Variants in RGS8 observed in about 807,000 individuals in gnomAD.
RGS8 encodes the protein regulator of G-protein signaling 8.
RGS8 carries 8 observed loss-of-function variants against 21.7 expected under a neutral mutation model. The ratio of observed to expected loss-of-function variants is 0.37; its 90% CI spans 0.22 to 0.66. The LOEUF is 0.66. RGS8 is among the 30% of genes least tolerant of loss of function. The probability of loss-of-function intolerance (pLI) is 0.59; values close to 1 mark genes in which losing one functional copy is unlikely to be tolerated. For synonymous variants in RGS8, 80 were observed against 83.6 expected, an observed-to-expected ratio of 0.96 and a Z score of 0.24; for missense variants, 157 against 217.9, an observed-to-expected ratio of 0.72 and a Z score of 1.76.
chr1:182,696,079 G>A, the RGS8 span, among the ~76,000 whole-genome samples: 7 of 152,056 alleles, frequency 4.6e-5, no homozygotes, highest in Non-Finnish European at 7.4e-5. Flanking sequence ...TTGTACTAAG[G>A]ATACATTTGC....
the RGS8 span, among the ~76,000 whole-genome samples, chr1:182,704,366 C>A: frequency 2.6e-5 from 4 of 152,212 alleles, no homozygotes; most frequent in African/African-American, 9.7e-5. Context: ...TCACTGTCCT[C>A]AGTTAAACCA....
At chr1:182,704,343 T>C in the RGS8 span, among the ~76,000 whole-genome samples, 4 of 152,316 alleles carry the variant, frequency 2.6e-5, no homozygotes, top group East Asian at 7.7e-4. Flanking sequence ...AAGAAGCAAA[T>C]ACTCAGTGTC....
the RGS8 span, among the ~76,000 whole-genome samples, chr1:182,740,540 GTTTGTTTGTTT>G: frequency 1.9e-5 from 1 of 53,180 alleles, no homozygotes; most frequent in African/African-American, 7.7e-5. Flanking sequence ...TGTTTTTTTT[GTTTGTTTGTTT>G]TTTTTTTTTT....
chr1:182,724,201 GATATATATATATAT>G, the RGS8 span, among the ~76,000 whole-genome samples: 487 of 42,116 alleles, frequency 0.012, 13 homozygotes, highest in Non-Finnish European at 0.016. Context: ...GGCTAGACTG[GATATATATATATAT>G]ATATATATAT....
the RGS8 span, among the ~76,000 whole-genome samples, chr1:182,694,043 C>A: frequency 6.6e-6 from 1 of 151,030 alleles, no homozygotes; most frequent in Non-Finnish European, 1.5e-5. Context: ...ACATGGGTGA[C>A]AAAATAACCT....
At chr1:182,651,472 C>T (rs1178180379) in intron 5 of RGS8, among the ~76,000 whole-genome samples, 1 of 152,232 alleles carries the variant, frequency 6.6e-6, no homozygotes, top group Non-Finnish European at 1.5e-5. Context: ...GAGAGTATCA[C>T]ATCACATATT....
At chr1:182,712,808 C>A in the RGS8 span, 1 of 152,144 alleles carries the variant, frequency 6.6e-6, no homozygotes, top group Admixed American at 6.5e-5. Context: ...ACAGACATGA[C>A]CTCATTCTGA....
the RGS8 span, among the ~76,000 whole-genome samples, chr1:182,698,869 C>T: frequency 2.0e-5 from 3 of 151,954 alleles, no homozygotes; most frequent in African/African-American, 7.3e-5. Flanking sequence ...TAAATTAGAC[C>T]AAGGGGAATT....
the RGS8 span, among the ~76,000 whole-genome samples, chr1:182,741,904 A>C: frequency 7.2e-6 from 1 of 138,058 alleles, no homozygotes; most frequent in African/African-American, 2.7e-5. Flanking sequence ...TCCCTCCCGG[A>C]GGAGGTGGCT....
upstream of RGS8, among the ~76,000 whole-genome samples, chr1:182,689,249 G>A (rs576715681): frequency 2.9e-4 from 42 of 143,448 alleles, no homozygotes; most frequent in East Asian, 4.8e-3. Context: ...TCGTGCACGC[G>A]CACGCACACA....
the RGS8 span, among the ~76,000 whole-genome samples, chr1:182,720,847 GTATACATATA>G: frequency 6.8e-6 from 1 of 147,716 alleles, no homozygotes; most frequent in Middle Eastern, 3.7e-3. Flanking sequence ...ATATCTGTGT[GTATACATATA>G]TATACATATA....
chr1:182,669,108 T>G (rs1440136229), intron 3 of RGS8, among the ~76,000 whole-genome samples: 1 of 152,262 alleles, frequency 6.6e-6, no homozygotes, highest in Non-Finnish European at 1.5e-5. Flanking sequence ...CCAAATAGTT[T>G]GCAAAAATCT....
the RGS8 span, among the ~76,000 whole-genome samples, chr1:182,731,651 AT>A: frequency 1.3e-5 from 2 of 152,194 alleles, no homozygotes; most frequent in African/African-American, 4.8e-5. Context: ...CTGCATCCCA[AT>A]TCTCAACAAT....
At chr1:182,695,041 T>C in the RGS8 span, among the ~76,000 whole-genome samples, 2 of 151,848 alleles carry the variant, frequency 1.3e-5, no homozygotes, top group Non-Finnish European at 2.9e-5. Flanking sequence ...CTGTGTTCAG[T>C]GATGACTTTT....
chr1:182,732,269 T>A, the RGS8 span, among the ~76,000 whole-genome samples: 51,965 of 126,208 alleles, frequency 0.41, 9,035 homozygotes, highest in Middle Eastern at 0.44. Context: ...GCTCTCTCTC[T>A]CATACACACA....
At chr1:182,741,030 C>G in the RGS8 span, among the ~76,000 whole-genome samples, 139 of 152,042 alleles carry the variant, frequency 9.1e-4, no homozygotes, top group African/African-American at 3.2e-3. Context: ...TCTACAAAAC[C>G]GCCATTGTCA....
At chr1:182,681,451 T>C (rs1263876781) in intron 1 of RGS8, among the ~76,000 whole-genome samples, 1 of 152,222 alleles carries the variant, frequency 6.6e-6, no homozygotes, top group Non-Finnish European at 1.5e-5. Context: ...TCCTCCATTT[T>C]TAATGACTTC....
chr1:182,696,199 T>G, the RGS8 span, among the ~76,000 whole-genome samples: 2 of 152,190 alleles, frequency 1.3e-5, no homozygotes, highest in African/African-American at 4.8e-5. Flanking sequence ...AATTCACCAA[T>G]TACTCAACTT....
intron 5 of RGS8, among the ~76,000 whole-genome samples, chr1:182,653,199 G>A (rs997145719): frequency 6.6e-5 from 10 of 152,294 alleles, no homozygotes; most frequent in South Asian, 2.1e-4. Context: ...TTCAGCAAGC[G>A]TTGGCAGGAA....
Sources: allele counts gnomAD v4.1 joint callset (sites outside exome capture counted in the v4.1 genomes callset), GRCh38; gene constraint gnomAD v4.1.1; transcripts MANE v1.5; gene names NCBI Gene and HGNC (gene_info 2026-07-23, HGNC 2026-07-21).